Variants in ARIH1 observed in about 807,000 individuals in gnomAD.
ARIH1 encodes E3 ubiquitin-protein ligase ARIH1.
In ARIH1, 8 loss-of-function variants were observed where a neutral mutation model predicts 85.0. That is an observed-to-expected ratio of 0.09 (90% CI 0.06 to 0.17). The LOEUF is 0.17. ARIH1 is among the 10% of genes least tolerant of loss of function. ARIH1 has a pLI of 1.00. For synonymous variants in ARIH1, 238 were observed against 253.6 expected (o/e 0.94, Z 0.59); for missense variants, 311 against 718.1 (o/e 0.43, Z 6.48).
intron 1 of ARIH1, among the ~76,000 whole-genome samples, chr15:72,517,343 C>G (rs1031947554): frequency 6.6e-6 from 1 of 152,150 alleles, no homozygotes; most frequent in Non-Finnish European, 1.5e-5. Context: ...GGCCTGAGAT[C>G]CTCCTGCCTC....
chr15:72,571,021 C>T lies in ARIH1; in HGVS notation c.1157+714C>T, dbSNP rs144003849. Among the ~76,000 whole-genome samples the T allele has an allele frequency of 6.9e-3, 1,034 of 149,216 alleles. 9 individuals are homozygous for T. The highest frequency in any genetic ancestry group is 0.024 in the African/African-American group (958 of 40,642). ...GCGCATGCCTGTAATCCCAGCTACT[C>T]GGGAGGCTGAGGCAGGAGAATCACT... On this transcript the variant is annotated intron_variant, in intron 10 of 13. Coordinates refer to ENST00000379887, the MANE Select transcript of ARIH1 (RefSeq NM_005744.5).
At chr15:72,526,080 T>A (rs1468344028) in intron 2 of ARIH1, among the ~76,000 whole-genome samples, 2 of 152,234 alleles carry the variant, frequency 1.3e-5, no homozygotes, top group Non-Finnish European at 2.9e-5. Context: ...TGTAACATCG[T>A]ATTTTTTAAA....
intron 1 of ARIH1, among the ~76,000 whole-genome samples, chr15:72,498,960 AATTTTTTTTTTTTTTTTT>A (rs1567340066): frequency 5.3e-5 from 7 of 131,234 alleles, no homozygotes; most frequent in South Asian, 4.6e-4. Flanking sequence ...CCTTTTCATA[AATTTTTTTTTTTTTTTTT>A]TTTTTTTTTT....
At chr15:72,513,444 A>G (rs2063958572) in intron 1 of ARIH1, among the ~76,000 whole-genome samples, 1 of 152,138 alleles carries the variant, frequency 6.6e-6, no homozygotes, top group Non-Finnish European at 1.5e-5. Context: ...TGTTATGTCT[A>G]GAAACATTTA....
Position 72,592,050 on chromosome 15 carries a change from G to T in ARIH1, c.*8758G>T, listed in dbSNP as rs2064345527. The stretch of plus-strand genomic sequence containing the variant: ...TGCTAGAGAGTGGGATTAATGAAAA[G>T]TTATAGTGTTCTGCATGCCTTTGAA... On this transcript the variant is annotated 3_prime_UTR_variant, in exon 14 of 14. Transcript: ENST00000379887. 6.6e-6 allele frequency: 1 copy of T among 152,172 alleles called. No individual in the cohort carries two copies. The highest frequency in any genetic ancestry group is 2.4e-5 in the African/African-American group (1 of 41,430). 9.4% of individuals were successfully genotyped at this position (152,172 alleles called of 1,614,324 possible).
At chr15:72,513,687 C>G (rs2063959836) in intron 1 of ARIH1, among the ~76,000 whole-genome samples, 1 of 105,946 alleles carries the variant, frequency 9.4e-6, no homozygotes, top group South Asian at 4.5e-4. Context: ...CTCTCCCTCT[C>G]CCTCCCTCCC....
chr15:72,476,793 A>C (rs1330642187), intron 1 of ARIH1, among the ~76,000 whole-genome samples: 3 of 152,202 alleles, frequency 2.0e-5, no homozygotes, highest in Middle Eastern at 3.2e-3. Context: ...GATAGCCATT[A>C]ATATGGTTCC....
chr15:72,517,169 A>C (rs953686268), intron 1 of ARIH1, among the ~76,000 whole-genome samples: 1 of 152,228 alleles, frequency 6.6e-6, no homozygotes, highest in Admixed American at 6.5e-5. Flanking sequence ...GTAAACTACT[A>C]TGTGGTACAG....
intron 1 of ARIH1, among the ~76,000 whole-genome samples, chr15:72,485,785 C>T (rs1231727724): frequency 6.6e-6 from 1 of 152,124 alleles, no homozygotes; most frequent in Non-Finnish European, 1.5e-5. Flanking sequence ...ATATACACAA[C>T]TCATCGTTTG....
rs1407531217 is a variant in ARIH1 at position 72,587,880 on chromosome 15, C to A, written c.*4588C>A. The A allele has an allele frequency of 6.6e-6, 1 of 152,078 alleles. No homozygotes were observed. Among genetic ancestry groups the A allele is most frequent in the Non-Finnish European group, 1.5e-5 (1 of 68,006 alleles). 9.4% of individuals were successfully genotyped at this position (152,078 alleles called of 1,614,324 possible). ...GAGTTGAGTCCAATTTTTAAGGCAACTATTGTTGACCTTTCTCTAGGCGGT... is the reference window on the plus strand; with the variant it reads ...GAGTTGAGTCCAATTTTTAAGGCAAATATTGTTGACCTTTCTCTAGGCGGT... On this transcript the variant is annotated 3_prime_UTR_variant, in exon 14 of 14. Transcript: ENST00000379887.
rs140426739 is a variant in ARIH1, at chr15:72,539,982, G to A, written c.444-4838G>A. Among the ~76,000 whole-genome samples, 17 of 152,210 alleles carry A rather than the reference G, an allele frequency of 1.1e-4. No homozygotes were observed. The East Asian group carries it at 1.2e-3, about 10-fold the overall frequency. On this transcript the variant is annotated intron_variant, in intron 2 of 13. Transcript: ENST00000379887. ...CTACATGATATAAAAACAATGGGCC[G>A]GGCACGGTGGCTCATGCCTATAATC...
At chr15:72,538,818 G>T (rs1332789212) in intron 2 of ARIH1, among the ~76,000 whole-genome samples, 1 of 152,246 alleles carries the variant, frequency 6.6e-6, no homozygotes, top group Admixed American at 6.5e-5. Context: ...ATCCTGGAGA[G>T]AAGAGAATTT....
chr15:72,501,429 T>C (rs1301861524), intron 1 of ARIH1, among the ~76,000 whole-genome samples: 1 of 152,230 alleles, frequency 6.6e-6, no homozygotes, highest in Non-Finnish European at 1.5e-5. Flanking sequence ...AGTGAATTGC[T>C]AATCAGAATC....
chr15:72,578,181 C>T (rs1022777652), intron 11 of ARIH1, among the ~76,000 whole-genome samples: 8 of 152,198 alleles, frequency 5.3e-5, no homozygotes, highest in African/African-American at 1.9e-4. Context: ...TATCCACAGT[C>T]TCTTTCGTGA....
intron 1 of ARIH1, among the ~76,000 whole-genome samples, chr15:72,483,946 C>T (rs988122949): frequency 8.0e-5 from 12 of 149,762 alleles, no homozygotes; most frequent in African/African-American, 2.2e-4. Context: ...CCGAGGCAGG[C>T]GGATCACCTG....
Position 72,602,765 on chromosome 15 carries a change from C to T in ARIH1, c.*19473C>T, listed in dbSNP as rs2064386446. 1 of 152,184 alleles carries T rather than the reference C, an allele frequency of 6.6e-6. No homozygotes were observed. The highest frequency in any genetic ancestry group is 2.1e-4 in the South Asian group (1 of 4,828). 9.4% of individuals were successfully genotyped at this position (152,184 alleles called of 1,614,324 possible). A position where few individuals can be genotyped will look rare whatever the true frequency, so the allele number is the denominator to read the frequency against. On this transcript the variant is annotated 3_prime_UTR_variant, in exon 14 of 14. Coordinates refer to ENST00000379887, the MANE Select transcript of ARIH1 (RefSeq NM_005744.5). ...GCCAGAGAAATGTTCCCCCTTTCTC[C>T]CAGGAAACGTTCTGACCTTACCCTG...
At chr15:72,515,713 C>G (rs1026326123) in intron 1 of ARIH1, among the ~76,000 whole-genome samples, 1 of 152,176 alleles carries the variant, frequency 6.6e-6, no homozygotes, top group Non-Finnish European at 1.5e-5. Context: ...CCCATTCCCA[C>G]TTTGGTTGAT....
chr15:72,484,754 C>CATACATATATATGTGTATATAT (rs1234487540), intron 1 of ARIH1, among the ~76,000 whole-genome samples: 4 of 139,930 alleles, frequency 2.9e-5, no homozygotes, highest in African/African-American at 1.0e-4. Flanking sequence ...TATATGTGTG[C>CATACATATATATGTGTATATAT]ATACATATAT....
At position 72,587,080 on chromosome 15, in the gene ARIH1, A is replaced by G. The variant is rs1286867703; in HGVS notation, c.*3788A>G. 15 of 410,614 alleles carry G rather than the reference A, an allele frequency of 3.7e-5. No homozygotes were observed. In the Admixed American group the frequency reaches 5.1e-4, roughly 14 times the overall value. 25.4% of individuals were successfully genotyped at this position (410,614 alleles called of 1,614,324 possible). ...TTTGGATCTGTAATTATGGGAGTTT[A>G]TCACTTTTCCTCTTCAAAGCACTTC... On this transcript the variant is annotated 3_prime_UTR_variant, in exon 14 of 14. Coordinates refer to ENST00000379887, the MANE Select transcript of ARIH1 (RefSeq NM_005744.5).
Sources: allele counts gnomAD v4.1 joint callset (sites outside exome capture counted in the v4.1 genomes callset), GRCh38; gene constraint gnomAD v4.1.1; transcripts MANE v1.5; gene names NCBI Gene and HGNC (gene_info 2026-07-23, HGNC 2026-07-21).